GRIA4: variants seen among roughly 807,000 people sequenced by gnomAD.
GRIA4 encodes the protein glutamate receptor 4.
Under a neutral mutation model 104.0 loss-of-function variants are expected in GRIA4, and 34 were observed. The observed-to-expected ratio is 0.33, with a 90% confidence interval of 0.25 to 0.44. The LOEUF is 0.44. Among genes scored for constraint, GRIA4 ranks in the 20% least tolerant of loss-of-function variants. GRIA4 has a pLI of 1.00. For synonymous variants in GRIA4, 386 were observed against 381.9 expected (o/e 1.01, Z -0.13); for missense variants, 750 against 1,096.5 (o/e 0.68, Z 4.46).
chr11:105,668,692 T>TTTTTA (rs1952259823), intron 3 of GRIA4, among the ~76,000 whole-genome samples: 4 of 150,504 alleles, frequency 2.7e-5, no homozygotes, highest in Admixed American at 6.6e-5. Flanking sequence ...TTTTTTTTTT[T>TTTTTA]GAGATAGAGT....
intron 4 of GRIA4, among the ~76,000 whole-genome samples, chr11:105,807,595 CTT>C (rs1346993694): frequency 4.0e-5 from 6 of 151,866 alleles, no homozygotes; most frequent in East Asian, 1.9e-4. Flanking sequence ...AACTTGATAA[CTT>C]TGATTAATTT....
chr11:105,809,510 G>C (rs1490826209), intron 4 of GRIA4, among the ~76,000 whole-genome samples: 1 of 152,136 alleles, frequency 6.6e-6, no homozygotes, highest in Non-Finnish European at 1.5e-5. Context: ...TCAAAGGAGG[G>C]ACTTGTAATC....
At chr11:105,653,644 T>G (rs1051685024) in intron 3 of GRIA4, among the ~76,000 whole-genome samples, 1 of 152,166 alleles carries the variant, frequency 6.6e-6, no homozygotes, top group East Asian at 1.9e-4. Flanking sequence ...AAGGTTATAT[T>G]AGGGTGAACG....
intron 11 of GRIA4, 86 bp from the exon 12 acceptor site, chr11:105,924,313 G>A: frequency 5.2e-6 from 5 of 953,094 alleles, no homozygotes; most frequent in Non-Finnish European, 7.8e-6. Flanking sequence ...ACGCATGACT[G>A]GTTAGCTTTA....
At chr11:105,805,245 C>G (rs549779949) in intron 4 of GRIA4, among the ~76,000 whole-genome samples, 2 of 151,528 alleles carry the variant, frequency 1.3e-5, no homozygotes, top group African/African-American at 2.4e-5. Context: ...TCTACAGACA[C>G]TCAGTATTAG....
chr11:105,849,555 A>T (rs2135983634), intron 4 of GRIA4, among the ~76,000 whole-genome samples: 1 of 152,336 alleles, frequency 6.6e-6, no homozygotes, highest in East Asian at 1.9e-4. Context: ...TGAACTACCT[A>T]TTTAAACAGA....
At chr11:105,648,826 C>G (rs1056124370) in intron 3 of GRIA4, among the ~76,000 whole-genome samples, 1 of 152,190 alleles carries the variant, frequency 6.6e-6, no homozygotes, top group Admixed American at 6.5e-5. Flanking sequence ...TTTGCCATTA[C>G]TTTTAATGAC....
At position 105,979,646 on chromosome 11, in the gene GRIA4, C is replaced by G; in HGVS notation, c.2616C>G (p.Arg872=). 1 of 1,613,468 alleles carries G rather than the reference C, an allele frequency of 6.2e-7. No individual in the cohort carries two copies. The highest frequency in any genetic ancestry group is 8.5e-7 in the Non-Finnish European group (1 of 1,179,386). ...SITGSVGENG[R]VLTPDCPKAV... is the part of the protein sequence containing the mutation. Reference sequence around the variant, plus strand: ...CTGGGAGTGTGGGAGAGAATGGCCGCGTCTTGACGCCTGACTGCCCAAAGG... The same window carrying G: ...CTGGGAGTGTGGGAGAGAATGGCCGGGTCTTGACGCCTGACTGCCCAAAGG... Residue 872 remains arginine (R), a synonymous_variant, in exon 17 of 17, where the codon CGC becomes CGG. Coordinates refer to ENST00000282499, the MANE Select transcript of GRIA4 (RefSeq NM_000829.4).
chr11:105,794,333 G>A (rs907229402), intron 4 of GRIA4, among the ~76,000 whole-genome samples: 1 of 150,004 alleles, frequency 6.7e-6, no homozygotes, highest in Non-Finnish European at 1.5e-5. Context: ...TGAAAACCCT[G>A]TGATACAGGG....
chr11:105,828,154 C>T (rs2135924238), intron 4 of GRIA4, among the ~76,000 whole-genome samples: 1 of 152,070 alleles, frequency 6.6e-6, no homozygotes, highest in African/African-American at 2.4e-5. Flanking sequence ...TTAAATGCAG[C>T]TGAAGGGGAA....
At position 105,966,740 on chromosome 11, in the gene GRIA4, G is replaced by T. The variant is rs1378471711; in HGVS notation, c.2295-5174G>T. Among the ~76,000 whole-genome samples, 4 of 152,136 alleles carry T rather than the reference G, an allele frequency of 2.6e-5. No individual in the cohort carries two copies. The East Asian group carries it at 5.8e-4, about 22-fold the overall frequency. ...TAAGCAATATCTAAAGAACAAAAAA[G>T]TAGGCAATTAACAGAATATGCTAGT... On this transcript the variant is annotated intron_variant, in intron 14 of 16. Transcript: ENST00000282499.
intron 3 of GRIA4, among the ~76,000 whole-genome samples, chr11:105,679,411 G>T (rs1952640959): frequency 6.6e-6 from 1 of 152,086 alleles, no homozygotes; most frequent in Non-Finnish European, 1.5e-5. Flanking sequence ...TCCACCACAT[G>T]AAAACTTGGC....
At chr11:105,626,022 GT>G (rs1192331036) in intron 3 of GRIA4, among the ~76,000 whole-genome samples, 1 of 152,042 alleles carries the variant, frequency 6.6e-6, no homozygotes, top group African/African-American at 2.4e-5. Flanking sequence ...TGCAGAAAAG[GT>G]TGTGGTATAG....
At chr11:105,953,701 C>A (rs887855590) in intron 14 of GRIA4, among the ~76,000 whole-genome samples, 1 of 151,622 alleles carries the variant, frequency 6.6e-6, no homozygotes, top group African/African-American at 2.4e-5. Context: ...AAGCTTAAAT[C>A]AAATGAGTTT....
Position 105,688,301 on chromosome 11 carries a change from G to C in GRIA4, c.248-64680G>C, listed in dbSNP as rs915398251. Among the ~76,000 whole-genome samples the C allele has an allele frequency of 2.0e-5, 3 of 152,124 alleles. No homozygotes were observed. The East Asian group carries it at 5.8e-4, about 29-fold the overall frequency. On this transcript the variant is annotated intron_variant, in intron 3 of 16. Transcript: ENST00000282499. Reference sequence around the variant, plus strand: ...TGGCTGGGCACGGCGGCTCACACCTGTAATCCCAGCACTTTGGGAGGCCGA... The same window carrying C: ...TGGCTGGGCACGGCGGCTCACACCTCTAATCCCAGCACTTTGGGAGGCCGA...
chr11:105,975,631 T>C (rs1382762705), intron 16 of GRIA4, among the ~76,000 whole-genome samples: 5 of 152,120 alleles, frequency 3.3e-5, no homozygotes, highest in African/African-American at 1.2e-4. Flanking sequence ...GCTGCTCAGT[T>C]TCATTACAAT....
chr11:105,623,893 C>T (rs1950818270), intron 3 of GRIA4, among the ~76,000 whole-genome samples: 1 of 152,012 alleles, frequency 6.6e-6, no homozygotes, highest in African/African-American at 2.4e-5. Flanking sequence ...GTCCTCATAA[C>T]CTCTCACAAT....
At chr11:105,688,434 G>A (rs1442437725) in intron 3 of GRIA4, among the ~76,000 whole-genome samples, 4 of 151,964 alleles carry the variant, frequency 2.6e-5, no homozygotes, top group East Asian at 1.9e-4. Context: ...GGTGGCGTGC[G>A]CCTGTAGTCC....
At chr11:105,870,596 C>T (rs1278373685) in intron 5 of GRIA4, among the ~76,000 whole-genome samples, 2 of 151,444 alleles carry the variant, frequency 1.3e-5, no homozygotes, top group African/African-American at 4.8e-5. Context: ...GTTTGAATTC[C>T]CCAGGCAGAG....
Sources: gnomAD v4.1 joint callset for allele counts (sites outside exome capture counted in the v4.1 genomes callset) on GRCh38, gnomAD v4.1.1 for gene constraint, MANE v1.5 for transcripts, NCBI Gene and HGNC (gene_info 2026-07-23, HGNC 2026-07-21) for gene names.